MACROD2: variants seen among roughly 807,000 people sequenced by gnomAD.
MACROD2 encodes ADP-ribose glycohydrolase MACROD2.
In MACROD2, 36 loss-of-function variants were observed where a neutral mutation model predicts 70.4. The observed-to-expected ratio is 0.51, with a 90% confidence interval of 0.39 to 0.68. The LOEUF is 0.68. Ranked by LOEUF, MACROD2 falls within the 30% of genes least tolerant of loss-of-function variation. MACROD2 has a pLI of 0.00. For synonymous variants in MACROD2, 172 were observed against 178.8 expected, an observed-to-expected ratio of 0.96 and a Z score of 0.30; for missense variants, 496 against 538.4, an observed-to-expected ratio of 0.92 and a Z score of 0.78.
At chr20:15,566,173 G>A (rs1171559946) in intron 8 of MACROD2, among the ~76,000 whole-genome samples, 1 of 152,040 alleles carries the variant, frequency 6.6e-6, no homozygotes, top group Non-Finnish European at 1.5e-5. Context: ...ACTCATTAGT[G>A]AAACCCCATT....
Position 14,920,956 on chromosome 20 carries a change from A to G in MACROD2, c.418+235997A>G, listed in dbSNP as rs2074155511. On this transcript the variant is annotated intron_variant, in intron 5 of 17. Coordinates refer to ENST00000684519, the MANE Select transcript of MACROD2 (RefSeq NM_001351661.2). ...CAATCCTTAACTCTTCAAAATGTTT[A>G]AGGAATTAAGGGCAAAAAAACCTAG... 5.3e-5 allele frequency among the ~76,000 whole-genome samples: 8 copies of G among 152,188 alleles called. No homozygotes were observed. The South Asian group carries it at 1.4e-3, about 28-fold the overall frequency.
intron 10 of MACROD2, among the ~76,000 whole-genome samples, chr20:15,891,977 C>A (rs939901648): frequency 6.6e-6 from 1 of 152,068 alleles, no homozygotes; most frequent in African/African-American, 2.4e-5. Context: ...ACTTAGAGGG[C>A]CACATGGAGA....
chr20:14,639,423 G>A (rs1393314649), intron 4 of MACROD2, among the ~76,000 whole-genome samples: 5 of 152,040 alleles, frequency 3.3e-5, no homozygotes, highest in Non-Finnish European at 7.4e-5. Context: ...ACTTTAGAAG[G>A]TTCTGGTAGA....
At chr20:15,124,494 A>C (rs1261474125) in intron 5 of MACROD2, among the ~76,000 whole-genome samples, 2 of 151,542 alleles carry the variant, frequency 1.3e-5, no homozygotes, top group South Asian at 2.1e-4. Context: ...ATATATAGCC[A>C]ACCAAAATAA....
intron 3 of MACROD2, among the ~76,000 whole-genome samples, chr20:14,406,286 A>G (rs1419321894): frequency 6.6e-6 from 1 of 152,164 alleles, no homozygotes; most frequent in Non-Finnish European, 1.5e-5. Context: ...AGTATGCACT[A>G]CTTAAAATTA....
intron 8 of MACROD2, among the ~76,000 whole-genome samples, chr20:15,763,894 G>A (rs1054419061): frequency 2.0e-5 from 3 of 152,148 alleles, no homozygotes; most frequent in Admixed American, 6.5e-5. Flanking sequence ...TATGATAGTT[G>A]GAAATCTGTG....
At chr20:14,180,773 C>T (rs1337212185) in intron 3 of MACROD2, among the ~76,000 whole-genome samples, 3 of 151,972 alleles carry the variant, frequency 2.0e-5, no homozygotes, top group Non-Finnish European at 2.9e-5. Context: ...TTAATTCTTA[C>T]AATATCTTAA....
At chr20:14,615,908 GA>G (rs1025194950) in intron 4 of MACROD2, among the ~76,000 whole-genome samples, 17 of 151,608 alleles carry the variant, frequency 1.1e-4, no homozygotes, top group African/African-American at 3.9e-4. Context: ...TATGACAGCA[GA>G]CAAAATGTTT....
chr20:15,014,572 C>T (rs1230160052), intron 5 of MACROD2, among the ~76,000 whole-genome samples: 1 of 152,102 alleles, frequency 6.6e-6, no homozygotes, highest in Non-Finnish European at 1.5e-5. Flanking sequence ...AAAGGATGCC[C>T]TTAAAATCAT....
Position 15,185,017 on chromosome 20 carries a change from G to A in MACROD2, c.419-44923G>A, listed in dbSNP as rs367687228. ...TAATGGACTACTAAATACAGTGGGG[G>A]CAGATTTGAAGAAATGCTCTTTAAC... On this transcript the variant is annotated intron_variant, in intron 5 of 17. Coordinates refer to ENST00000684519, the MANE Select transcript of MACROD2 (RefSeq NM_001351661.2). Among the ~76,000 whole-genome samples, 84 of 152,236 alleles carry A rather than the reference G, an allele frequency of 5.5e-4. No homozygotes were observed. The South Asian group carries it at 8.7e-3, about 16-fold the overall frequency.
intron 8 of MACROD2, among the ~76,000 whole-genome samples, chr20:15,524,170 G>A (rs11698669): frequency 0.19 from 28,115 of 151,896 alleles, 2,759 homozygotes; most frequent in Admixed American, 0.23. Context: ...TCTGTTGAGT[G>A]CTAAAAGTGA....
chr20:15,020,597 A>G lies in MACROD2; in HGVS notation c.419-209343A>G, dbSNP rs560258718. On this transcript the variant is annotated intron_variant, in intron 5 of 17. Coordinates refer to ENST00000684519, the MANE Select transcript of MACROD2 (RefSeq NM_001351661.2). ...AAATGCATTGTTAGGCAATGTCGTCATCATGTGAACATCGTAGAGTGATTT... is the reference window on the plus strand; with the variant it reads ...AAATGCATTGTTAGGCAATGTCGTCGTCATGTGAACATCGTAGAGTGATTT... Among the ~76,000 whole-genome samples, 67 of 152,262 alleles carry G rather than the reference A, an allele frequency of 4.4e-4. No homozygotes were observed. In the Middle Eastern group the frequency reaches 0.01, roughly 23 times the overall value.
intron 8 of MACROD2, among the ~76,000 whole-genome samples, chr20:15,832,078 A>AT (rs1267212153): frequency 6.6e-6 from 1 of 152,142 alleles, no homozygotes; most frequent in Non-Finnish European, 1.5e-5. Context: ...GCATGATTTG[A>AT]TTTTATCCAA....
At chr20:15,186,677 T>C (rs181272314) in intron 5 of MACROD2, among the ~76,000 whole-genome samples, 4 of 151,948 alleles carry the variant, frequency 2.6e-5, no homozygotes, top group African/African-American at 7.3e-5. Context: ...GAAAAAAAAA[T>C]TTTTATTGTT....
At chr20:15,512,764 G>A (rs1436895102) in intron 8 of MACROD2, among the ~76,000 whole-genome samples, 1 of 152,172 alleles carries the variant, frequency 6.6e-6, no homozygotes, top group Non-Finnish European at 1.5e-5. Context: ...CCCACCGCTG[G>A]CACAATTAGA....
intron 3 of MACROD2, among the ~76,000 whole-genome samples, chr20:14,461,952 G>A (rs1039275552): frequency 1.3e-5 from 2 of 152,020 alleles, no homozygotes; most frequent in African/African-American, 4.8e-5. Context: ...AAACATACGT[G>A]TGCATGTGTC....
intron 8 of MACROD2, among the ~76,000 whole-genome samples, chr20:15,540,939 C>T (rs923779972): frequency 2.2e-4 from 33 of 152,190 alleles, no homozygotes; most frequent in African/African-American, 7.5e-4. Context: ...TAGAGGCCCA[C>T]CTTACTGTAT....
At chr20:14,458,676 G>A (rs1208437776) in intron 3 of MACROD2, among the ~76,000 whole-genome samples, 2 of 151,918 alleles carry the variant, frequency 1.3e-5, no homozygotes, top group African/African-American at 4.8e-5. Context: ...CCATTTGGCT[G>A]TTCCTGAGTT....
chr20:15,154,017 C>G (rs976600695), intron 5 of MACROD2, among the ~76,000 whole-genome samples: 1 of 152,180 alleles, frequency 6.6e-6, no homozygotes, highest in Non-Finnish European at 1.5e-5. Context: ...ATTTTAGTCA[C>G]AGATTCCCAT....
Sources: gnomAD v4.1 joint callset for allele counts (sites outside exome capture counted in the v4.1 genomes callset) on GRCh38, gnomAD v4.1.1 for gene constraint, MANE v1.5 for transcripts, NCBI Gene and HGNC (gene_info 2026-07-23, HGNC 2026-07-21) for gene names.